SHTN1: variants seen among roughly 807,000 people sequenced by gnomAD.
SHTN1 encodes the protein shootin 1.
Under a neutral mutation model 83.1 loss-of-function variants are expected in SHTN1, and 42 were observed. That is an observed-to-expected ratio of 0.51 (90% CI 0.39 to 0.65). The LOEUF is 0.65. SHTN1 is among the 30% of genes least tolerant of loss of function. The probability of loss-of-function intolerance (pLI) is 0.00; values close to 1 mark genes in which losing one functional copy is unlikely to be tolerated. For synonymous variants in SHTN1, 224 were observed against 247.7 expected (o/e 0.90, Z 0.90); for missense variants, 622 against 737.8 (o/e 0.84, Z 1.82).
chr10:116,949,716 T>A (rs1849709569), intron 6 of SHTN1, among the ~76,000 whole-genome samples: 1 of 152,146 alleles, frequency 6.6e-6, no homozygotes, highest in African/African-American at 2.4e-5. Context: ...TTGACTTAAG[T>A]AAGATGAACA....
rs770680326 is a variant in SHTN1 at position 116,901,830 on chromosome 10, T to TG, written c.1607dup (p.Thr537AsnfsTer3). The TG allele has an allele frequency of 1.2e-5, 20 of 1,602,684 alleles. No individual in the cohort carries two copies. The highest frequency in any genetic ancestry group is 1.1e-4 in the Admixed American group (6 of 56,282). ...GGGGCCCTTCACCTGGCTCAGGTGTTGGGGGGGACGGGCTGTTGAATTCTG... is the reference window on the plus strand; with the variant it reads ...GGGGCCCTTCACCTGGCTCAGGTGTTGGGGGGGGACGGGCTGTTGAATTCTG... On this transcript the variant is annotated frameshift_variant, in exon 16 of 17. Coordinates refer to ENST00000355371, the MANE Select transcript of SHTN1 (RefSeq NM_001127211.3). LOFTEE classifies it high-confidence loss of function.
At chr10:116,917,998 C>A (rs553900822) in intron 12 of SHTN1, among the ~76,000 whole-genome samples, 3 of 152,178 alleles carry the variant, frequency 2.0e-5, no homozygotes, top group Non-Finnish European at 4.4e-5. Flanking sequence ...ATACGAACTT[C>A]TAAACTATTA....
Position 116,942,244 on chromosome 10 carries a change from G to A in SHTN1, c.712-1632C>T, listed in dbSNP as rs538458436. Among the ~76,000 whole-genome samples, 62 of 149,434 alleles carry A rather than the reference G, an allele frequency of 4.1e-4. 1 individual carries two copies. The Middle Eastern group carries it at 0.01, about 25-fold the overall frequency. On this transcript the variant is annotated intron_variant, in intron 8 of 16. Coordinates refer to ENST00000355371, the MANE Select transcript of SHTN1 (RefSeq NM_001127211.3). The stretch of plus-strand genomic sequence containing the variant: ...TTTTTTTTTTTTGAGATGGAGTCTC[G>A]CTCTGGCACCCAGGCTGGAGTGCAG...
intron 1 of SHTN1, among the ~76,000 whole-genome samples, chr10:117,003,178 T>C (rs1317421279): frequency 2.0e-5 from 3 of 152,020 alleles, no homozygotes; most frequent in Non-Finnish European, 4.4e-5. Context: ...TTACCTATAA[T>C]GAAAGCTCCA....
chr10:116,945,094 G>T (rs144927536), intron 7 of SHTN1, 76 bp from the exon 8 acceptor site: 3 of 928,468 alleles, frequency 3.2e-6, no homozygotes, highest in Non-Finnish European at 5.1e-6. Context: ...GAAAAACAGT[G>T]TTGAAAAGAT....
intron 3 of SHTN1, among the ~76,000 whole-genome samples, chr10:116,965,193 C>A (rs1345091479): frequency 6.6e-6 from 1 of 152,186 alleles, no homozygotes; most frequent in Middle Eastern, 3.4e-3. Context: ...TATGGCCAAA[C>A]AAAGCTTTTC....
At chr10:117,114,502 C>T (rs1326374888) in intron 1 of SHTN1, among the ~76,000 whole-genome samples, 1 of 152,150 alleles carries the variant, frequency 6.6e-6, no homozygotes, top group African/African-American at 2.4e-5. Context: ...TGGATCCAGA[C>T]ACTCTCTGCT....
At chr10:117,026,314 G>A (rs1031954471) in intron 2 of SHTN1, among the ~76,000 whole-genome samples, 7 of 152,088 alleles carry the variant, frequency 4.6e-5, no homozygotes, top group Admixed American at 1.3e-4. Context: ...TAGTGGTCAC[G>A]GGATGAGGCT....
intron 7 of SHTN1, among the ~76,000 whole-genome samples, chr10:116,945,360 G>A (rs1273408729): frequency 2.0e-5 from 3 of 152,184 alleles, no homozygotes; most frequent in South Asian, 2.1e-4. Flanking sequence ...AGAAGAATGA[G>A]TAAATTGTAG....
At chr10:117,114,929 G>T (rs1234910342) in intron 1 of SHTN1, among the ~76,000 whole-genome samples, 1 of 152,160 alleles carries the variant, frequency 6.6e-6, no homozygotes, top group African/African-American at 2.4e-5. Flanking sequence ...AGGAGGACCG[G>T]GTTCTAGCAC....
chr10:116,962,769 T>A (rs182699644), intron 3 of SHTN1, among the ~76,000 whole-genome samples: 1 of 152,194 alleles, frequency 6.6e-6, no homozygotes, highest in African/African-American at 2.4e-5. Context: ...CTGGTGGGGT[T>A]TTTATTTCTT....
upstream of SHTN1, among the ~76,000 whole-genome samples, chr10:117,010,410 T>C (rs114167548): frequency 0.011 from 1,724 of 151,762 alleles, 34 homozygotes; most frequent in African/African-American, 0.039. Context: ...ATTCAGAAAG[T>C]ATTAAAAAAA....
At chr10:116,996,876 C>T (rs1851645520) in intron 1 of SHTN1, among the ~76,000 whole-genome samples, 1 of 152,186 alleles carries the variant, frequency 6.6e-6, no homozygotes, top group Admixed American at 6.5e-5. Flanking sequence ...CACTTATCTA[C>T]AACCATACCT....
In SHTN1 at chr10:117,016,687, G is replaced by A. The variant is rs540885043; in HGVS notation, c.-123+31758C>T. ...CTCCCAAAGTGTTGGGATTACAGGCGTGAGCCATCGCACCTGGCCAAATTA... is the reference window on the plus strand; with the variant it reads ...CTCCCAAAGTGTTGGGATTACAGGCATGAGCCATCGCACCTGGCCAAATTA... On this transcript the variant is annotated intron_variant, in intron 2 of 17. Coordinates refer to the SHTN1 transcript ENST00000392901. Among the ~76,000 whole-genome samples the A allele has an allele frequency of 2.3e-4, 31 of 137,522 alleles. 1 individual carries two copies. In the South Asian group the frequency reaches 7.4e-3, roughly 33 times the overall value. 90.2% of individuals were successfully genotyped at this position (137,522 alleles called of 152,430 possible). A position where few individuals can be genotyped will look rare whatever the true frequency, so the allele number is the denominator to read the frequency against.
rs1005599011 is a variant in SHTN1 at position 116,882,975 on chromosome 10, CA to C, written c.*3368del. On this transcript the variant is annotated 3_prime_UTR_variant, in exon 17 of 17. Transcript: ENST00000355371. The stretch of plus-strand genomic sequence containing the variant: ...TCACATACCCTTTGAAAAATACACA[CA>C]CACACACACACACACACACACACAT... The C allele has an allele frequency of 2.7e-5, 4 of 149,264 alleles. No homozygotes were observed. Among genetic ancestry groups the C allele is most frequent in the African/African-American group, 9.8e-5 (4 of 41,004 alleles). The allele number at this position is 149,264 out of a possible 1,614,324, so 9.2% of individuals were successfully genotyped here.
At position 117,116,416 on chromosome 10, in the gene SHTN1, A is replaced by G. The variant is rs181036087; in HGVS notation, c.-189+9891T>C. 2.8e-3 allele frequency among the ~76,000 whole-genome samples: 432 copies of G among 152,264 alleles called. 2 individuals are homozygous for G. The highest frequency in any genetic ancestry group is 0.01 in the African/African-American group (418 of 41,570). On this transcript the variant is annotated intron_variant, in intron 1 of 17. Coordinates refer to the SHTN1 transcript ENST00000392901. ...AGTAACAAGTAATGAGATGGAGGCCATAATAAAAAGTCTCCCATCAAAGAA... is the reference window on the plus strand; with the variant it reads ...AGTAACAAGTAATGAGATGGAGGCCGTAATAAAAAGTCTCCCATCAAAGAA...
At chr10:116,984,845 C>A (rs1851168039) in intron 1 of SHTN1, among the ~76,000 whole-genome samples, 1 of 152,192 alleles carries the variant, frequency 6.6e-6, no homozygotes, top group Non-Finnish European at 1.5e-5. Context: ...ACTCTACTGC[C>A]CACCATTCAG....
intron 1 of SHTN1, among the ~76,000 whole-genome samples, chr10:117,004,690 C>T (rs1851945639): frequency 6.6e-6 from 1 of 152,096 alleles, no homozygotes; most frequent in Admixed American, 6.5e-5. Flanking sequence ...CCCGCTTCTC[C>T]GGCAAGGAAG....
chr10:116,958,645 A>T (rs2133437704), intron 4 of SHTN1, among the ~76,000 whole-genome samples: 1 of 151,992 alleles, frequency 6.6e-6, no homozygotes, highest in Admixed American at 6.6e-5. Context: ...AGAGCAAGAC[A>T]ACTGTAGCTC....
Sources: allele counts gnomAD v4.1 joint callset (sites outside exome capture counted in the v4.1 genomes callset), GRCh38; gene constraint gnomAD v4.1.1; transcripts MANE v1.5; gene names NCBI Gene and HGNC (gene_info 2026-07-23, HGNC 2026-07-21).